Variants in NAALADL2 observed in about 807,000 individuals in gnomAD.
The protein encoded by NAALADL2 is inactive N-acetylated-alpha-linked acidic dipeptidase-like protein 2.
Under a neutral mutation model 87.2 loss-of-function variants are expected in NAALADL2, and 76 were observed. The observed-to-expected ratio is 0.87, with a 90% CI of 0.72 to 1.05. The LOEUF (loss-of-function observed/expected upper bound fraction) is 1.05, where lower values mean the gene tolerates loss of function less well. Ranked by LOEUF, NAALADL2 falls within the 50% of genes least tolerant of loss-of-function variation. The pLI, the probability that NAALADL2 is intolerant of heterozygous loss-of-function variation, is 0.00. For missense variants in NAALADL2, 1,089 were observed against 945.8 expected (o/e 1.15, Z -1.99); for synonymous variants, 354 against 331.0 (o/e 1.07, Z -0.75).
At chr3:175,651,721 T>C (rs1730791629) in intron 11 of NAALADL2, among the ~76,000 whole-genome samples, 2 of 152,196 alleles carry the variant, frequency 1.3e-5, no homozygotes, top group Admixed American at 1.3e-4. Flanking sequence ...ATGTTTCCTA[T>C]CCATTTCTTA....
intron 2 of NAALADL2, among the ~76,000 whole-genome samples, chr3:174,582,411 CAACA>C (rs1480063685): frequency 4.6e-5 from 7 of 152,054 alleles, no homozygotes; most frequent in African/African-American, 7.2e-5. Flanking sequence ...GAAGTAAATA[CAACA>C]AACAAACAAA....
chr3:175,185,217 A>T (rs1342567078), intron 2 of NAALADL2, among the ~76,000 whole-genome samples: 2 of 152,110 alleles, frequency 1.3e-5, no homozygotes, highest in Non-Finnish European at 2.9e-5. Flanking sequence ...ATTCTGATAA[A>T]TTGGGATGAC....
intron 2 of NAALADL2, among the ~76,000 whole-genome samples, chr3:175,204,646 G>GCC (rs1740554986): frequency 1.3e-5 from 2 of 151,616 alleles, no homozygotes; most frequent in Non-Finnish European, 2.9e-5. Flanking sequence ...TATAGAGGAA[G>GCC]TCAAACTGTC....
At position 175,786,266 on chromosome 3, in the gene NAALADL2, A is replaced by T. The variant is rs1254560314; in HGVS notation, c.2190-16739A>T. ...TTGGCCTGCCTTGCTAGATTGGGGAAGTTCTCCTGGATAATATCCTGCAAA... is the reference window on the plus strand; with the variant it reads ...TTGGCCTGCCTTGCTAGATTGGGGATGTTCTCCTGGATAATATCCTGCAAA... On this transcript the variant is annotated intron_variant, in intron 13 of 13. Transcript: ENST00000454872. Among the ~76,000 whole-genome samples, 104 of 152,202 alleles carry T rather than the reference A, an allele frequency of 6.8e-4. 1 individual carries two copies. Among genetic ancestry groups the T allele is most frequent in the South Asian group, 2.1e-3 (10 of 4,826 alleles).
rs561104064 is a variant in NAALADL2, at chr3:175,721,367, CA to C, written c.1897-15936del. On this transcript the variant is annotated intron_variant, in intron 11 of 13. Coordinates refer to ENST00000454872, the MANE Select transcript of NAALADL2 (RefSeq NM_207015.3). ...AAAACACAAAATAATAAAATAAATG[CA>C]AATGTACCTGTAATTATAATAGCGT... 1.3e-4 allele frequency among the ~76,000 whole-genome samples: 20 copies of C among 152,146 alleles called. No individual in the cohort carries two copies. The South Asian group carries it at 4.1e-3, about 32-fold the overall frequency.
intron 2 of NAALADL2, among the ~76,000 whole-genome samples, chr3:174,734,908 GA>G (rs895871217): frequency 7.2e-5 from 11 of 152,126 alleles, no homozygotes; most frequent in African/African-American, 2.7e-4. Context: ...GGAAGATATT[GA>G]AATGAGTGTG....
intron 2 of NAALADL2, among the ~76,000 whole-genome samples, chr3:175,127,595 A>C (rs561733042): frequency 6.6e-6 from 1 of 152,230 alleles, no homozygotes; most frequent in East Asian, 1.9e-4. Context: ...CATCTTAATT[A>C]CACATTTTGT....
chr3:174,617,835 T>C (rs960123768), intron 2 of NAALADL2, among the ~76,000 whole-genome samples: 1 of 151,728 alleles, frequency 6.6e-6, no homozygotes. Flanking sequence ...AATTTAAAAA[T>C]ATTTCTGTGT....
chr3:175,724,354 G>C (rs1232607928), intron 11 of NAALADL2, among the ~76,000 whole-genome samples: 1 of 152,134 alleles, frequency 6.6e-6, no homozygotes, highest in African/African-American at 2.4e-5. Context: ...GAGCTTGACA[G>C]TGTGCTCTGT....
At chr3:175,129,616 T>A (rs967840826) in intron 2 of NAALADL2, among the ~76,000 whole-genome samples, 1 of 152,208 alleles carries the variant, frequency 6.6e-6, no homozygotes, top group South Asian at 2.1e-4. Context: ...GATATGTTAT[T>A]ACAAATGGCA....
intron 1 of NAALADL2, among the ~76,000 whole-genome samples, chr3:174,861,575 A>G (rs1432361919): frequency 6.6e-6 from 1 of 152,104 alleles, no homozygotes; most frequent in Non-Finnish European, 1.5e-5. Flanking sequence ...TTAAAATAAT[A>G]TGTTTTGTAT....
chr3:175,310,328 A>AT (rs150863058), intron 4 of NAALADL2, among the ~76,000 whole-genome samples: 42 of 150,766 alleles, frequency 2.8e-4, no homozygotes, highest in Admixed American at 1.6e-3. Flanking sequence ...TTTAGTCACC[A>AT]TTTTTTTTTC....
At chr3:175,403,994 T>C (rs770348883) in intron 5 of NAALADL2, among the ~76,000 whole-genome samples, 11 of 152,146 alleles carry the variant, frequency 7.2e-5, no homozygotes, top group African/African-American at 1.7e-4. Context: ...TTTTACAAAA[T>C]ACAGGCTCTC....
chr3:175,590,931 G>A (rs533722761), intron 10 of NAALADL2, among the ~76,000 whole-genome samples: 21 of 152,190 alleles, frequency 1.4e-4, no homozygotes, highest in African/African-American at 4.1e-4. Flanking sequence ...AGGGGGGTGC[G>A]AATTATTAAG....
chr3:175,297,932 T>A (rs1756583300), intron 4 of NAALADL2, among the ~76,000 whole-genome samples: 1 of 152,196 alleles, frequency 6.6e-6, no homozygotes, highest in African/African-American at 2.4e-5. Flanking sequence ...TAACTATGAA[T>A]ACATTGTCTC....
chr3:175,074,254 C>T (rs1716184803), intron 1 of NAALADL2, among the ~76,000 whole-genome samples: 1 of 152,068 alleles, frequency 6.6e-6, no homozygotes, highest in Non-Finnish European at 1.5e-5. Flanking sequence ...TTTTGACTCA[C>T]ATGTCTCAGG....
At chr3:175,318,083 ACAGT>A (rs1350183957) in intron 4 of NAALADL2, among the ~76,000 whole-genome samples, 15 of 152,158 alleles carry the variant, frequency 9.9e-5, no homozygotes, top group Non-Finnish European at 1.6e-4. Flanking sequence ...TATATGACTA[ACAGT>A]CAGGGATTCG....
chr3:174,572,730 A>T (rs1037801984), intron 2 of NAALADL2, among the ~76,000 whole-genome samples: 5 of 152,208 alleles, frequency 3.3e-5, no homozygotes, highest in Admixed American at 3.3e-4. Flanking sequence ...AGAAAATGTA[A>T]CTTTAAAAAT....
At chr3:174,987,181 A>G (rs1038813284) in intron 1 of NAALADL2, among the ~76,000 whole-genome samples, 1 of 152,180 alleles carries the variant, frequency 6.6e-6, no homozygotes, top group African/African-American at 2.4e-5. Context: ...TGATTATGAT[A>G]AAATAACCAA....
Sources: gnomAD v4.1 joint callset for allele counts (sites outside exome capture counted in the v4.1 genomes callset) on GRCh38, gnomAD v4.1.1 for gene constraint, MANE v1.5 for transcripts, NCBI Gene and HGNC (gene_info 2026-07-23, HGNC 2026-07-21) for gene names.